The following C20orf203 variants were observed in gnomAD, a reference collection of about 807,000 sequenced individuals.
C20orf203 encodes the protein chromosome 20 open reading frame 203.
C20orf203 carries 16 observed loss-of-function variants against 15.9 expected under a neutral mutation model. That is an observed-to-expected ratio of 1.01 (90% CI 0.68 to 1.53). The LOEUF (loss-of-function observed/expected upper bound fraction) is 1.53, where lower values mean the gene tolerates loss of function less well. Among genes scored for constraint, C20orf203 ranks in the 40% most tolerant of loss-of-function variants. The probability of loss-of-function intolerance (pLI) is 0.00; values close to 1 mark genes in which losing one functional copy is unlikely to be tolerated. For synonymous variants in C20orf203, 98 were observed against 97.2 expected (o/e 1.01, Z -0.05); for missense variants, 263 against 247.5 (o/e 1.06, Z -0.42).
chr20:32,643,075 C>T (rs1982327760), intron 4 of C20orf203, among the ~76,000 whole-genome samples: 3 of 152,166 alleles, frequency 2.0e-5, no homozygotes, highest in Non-Finnish European at 1.5e-5. Flanking sequence ...CTCCTGAGAC[C>T]AGCCGCCGCA....
At position 32,631,642 on chromosome 20, in the gene C20orf203, G is replaced by A. The variant is rs1981997238; in HGVS notation, c.*3928C>T. 1 of 152,142 alleles carries A rather than the reference G, an allele frequency of 6.6e-6. No homozygotes were observed. Among genetic ancestry groups the A allele is most frequent in the South Asian group, 2.1e-4 (1 of 4,822 alleles). 9.4% of individuals were successfully genotyped at this position (152,142 alleles called of 1,614,324 possible). On this transcript the variant is annotated 3_prime_UTR_variant, in exon 6 of 6. Transcript: ENST00000608990. ...TCAGGAGGTAAAGAGGAATTACATGGCCTTTTATTCACTACATTTTATTAA... is the reference window on the plus strand; with the variant it reads ...TCAGGAGGTAAAGAGGAATTACATGACCTTTTATTCACTACATTTTATTAA...
chr20:32,648,688 G>A (rs544511854), intron 4 of C20orf203, among the ~76,000 whole-genome samples: 89 of 150,562 alleles, frequency 5.9e-4, no homozygotes, highest in African/African-American at 1.4e-3. Flanking sequence ...TCCTGACCTC[G>A]TGATCCGCCT....
At chr20:32,644,050 G>C (rs74529646) in intron 4 of C20orf203, among the ~76,000 whole-genome samples, 2 of 152,280 alleles carry the variant, frequency 1.3e-5, no homozygotes, top group African/African-American at 4.8e-5. Flanking sequence ...GACTGGCCCA[G>C]GTCCCTTTCT....
chr20:32,659,412 A>G (rs962135830), intron 1 of C20orf203, among the ~76,000 whole-genome samples: 1 of 152,180 alleles, frequency 6.6e-6, no homozygotes, highest in African/African-American at 2.4e-5. Context: ...AACACTCTCT[A>G]CGCATCAGGC....
chr20:32,650,375 T>C lies in C20orf203; in HGVS notation c.*57A>G. On this transcript the variant is annotated 3_prime_UTR_variant, in exon 4 of 6. Transcript: ENST00000608990. ...GGTAACAGGGGACACCCTGAGGTGG[T>C]GGTGGCCTTGGTAGGACAGGCAGGC... 2 of 1,257,646 alleles carry C rather than the reference T, an allele frequency of 1.6e-6. No homozygotes were observed. Among genetic ancestry groups the C allele is most frequent in the Non-Finnish European group, 2.2e-6 (2 of 893,430 alleles). 77.9% of individuals were successfully genotyped at this position (1,257,646 alleles called of 1,614,324 possible).
chr20:32,660,554 A>G (rs1271078918), intron 1 of C20orf203, among the ~76,000 whole-genome samples: 1 of 152,182 alleles, frequency 6.6e-6, no homozygotes, highest in Non-Finnish European at 1.5e-5. Context: ...GAGCCTCACA[A>G]AACCCTTTCA....
intron 1 of C20orf203, among the ~76,000 whole-genome samples, chr20:32,654,568 C>A (rs115934522): frequency 6.6e-6 from 1 of 151,874 alleles, no homozygotes; most frequent in Non-Finnish European, 1.5e-5. Context: ...GTGGGCCAGG[C>A]GTGGTAGCTT....
At chr20:32,669,854 G>A (rs1341281639) in intron 1 of C20orf203, among the ~76,000 whole-genome samples, 1 of 152,228 alleles carries the variant, frequency 6.6e-6, no homozygotes, top group Non-Finnish European at 1.5e-5. Context: ...AAACAAGAGT[G>A]AAAGGCAATC....
chr20:32,645,966 A>G (rs966860317), intron 4 of C20orf203, among the ~76,000 whole-genome samples: 2 of 152,142 alleles, frequency 1.3e-5, no homozygotes, highest in African/African-American at 4.8e-5. Flanking sequence ...CTTGGGGTAG[A>G]CACCTCAACT....
At chr20:32,673,340 C>G (rs536378479) in intron 1 of C20orf203, among the ~76,000 whole-genome samples, 11 of 152,288 alleles carry the variant, frequency 7.2e-5, no homozygotes, top group African/African-American at 2.6e-4. Flanking sequence ...TCTCAGCCCC[C>G]GTAGCCAACC....
chr20:32,662,995 C>T (rs1053126400), intron 1 of C20orf203, among the ~76,000 whole-genome samples: 1 of 144,654 alleles, frequency 6.9e-6, no homozygotes. Flanking sequence ...GTCACTCAGG[C>T]TGGAGTACAG....
chr20:32,661,806 G>A (rs1421097212), intron 1 of C20orf203, among the ~76,000 whole-genome samples: 1 of 152,080 alleles, frequency 6.6e-6, no homozygotes, highest in African/African-American at 2.4e-5. Flanking sequence ...GTCAGGATGG[G>A]CCACAGCTCT....
chr20:32,633,933 T>A lies in C20orf203; in HGVS notation c.*1637A>T. 2.5e-6 allele frequency: 1 copy of A among 398,258 alleles called. No individual in the cohort carries two copies. Among genetic ancestry groups the A allele is most frequent in the Non-Finnish European group, 4.4e-6 (1 of 226,064 alleles). 24.7% of individuals were successfully genotyped at this position (398,258 alleles called of 1,614,324 possible). ...TGGACTGGATGCTTCTCCCGGATCC[T>A]GATGCCTGAGCTTCAGCTTCCCCAC... is the stretch of plus-strand genomic sequence containing the variant. On this transcript the variant is annotated 3_prime_UTR_variant, in exon 6 of 6. Coordinates refer to ENST00000608990, the MANE Select transcript of C20orf203 (RefSeq NM_182584.4).
At chr20:32,671,842 A>T (rs1446292191) in intron 1 of C20orf203, among the ~76,000 whole-genome samples, 25 of 33,220 alleles carry the variant, frequency 7.5e-4, no homozygotes, top group African/African-American at 2.2e-3. Flanking sequence ...TCTGTCTCCA[A>T]AAAAAAAAAA....
intron 1 of C20orf203, among the ~76,000 whole-genome samples, chr20:32,660,992 CAT>C (rs752633992): frequency 3.0e-4 from 46 of 152,142 alleles, no homozygotes; most frequent in Admixed American, 5.9e-4. Context: ...CCTCCCACGA[CAT>C]GTGGGGATTA....
intron 1 of C20orf203, among the ~76,000 whole-genome samples, chr20:32,654,566 GGCGTGGTA>G (rs563367143): frequency 6.6e-4 from 101 of 152,320 alleles, no homozygotes; most frequent in African/African-American, 2.3e-3. Flanking sequence ...TGGTGGGCCA[GGCGTGGTA>G]GCTTATGTCC....
intron 4 of C20orf203, among the ~76,000 whole-genome samples, chr20:32,646,497 C>T (rs534106564): frequency 6.6e-5 from 10 of 152,286 alleles, no homozygotes; most frequent in South Asian, 2.1e-4. Context: ...TGAGCTACCA[C>T]GTCTGGCCTA....
rs1237400178 is a variant in C20orf203, at chr20:32,666,402, G to A, written c.-264+7230C>T. 2.6e-5 allele frequency among the ~76,000 whole-genome samples: 4 copies of A among 151,728 alleles called. No individual in the cohort carries two copies. The South Asian group carries it at 6.2e-4, about 24-fold the overall frequency. On this transcript the variant is annotated intron_variant, in intron 1 of 5. Coordinates refer to ENST00000608990, the MANE Select transcript of C20orf203 (RefSeq NM_182584.4). ...GGATCACTTGAGCTCAGGAGGTTGAGGCTGCAGTGAGCCAAGATCGTGCCA... is the reference window on the plus strand; with the variant it reads ...GGATCACTTGAGCTCAGGAGGTTGAAGCTGCAGTGAGCCAAGATCGTGCCA...
Position 32,650,121 on chromosome 20 carries a change from C to T in C20orf203, c.*311G>A, listed in dbSNP as rs758880766. 6.0e-6 allele frequency: 2 copies of T among 331,820 alleles called. No homozygotes were observed. The highest frequency in any genetic ancestry group is 1.1e-5 in the Non-Finnish European group (2 of 178,364). The allele number at this position is 331,820 out of a possible 1,614,324, so 20.6% of individuals were successfully genotyped here. A position where few individuals can be genotyped will look rare whatever the true frequency, so the allele number is the denominator to read the frequency against. On this transcript the variant is annotated 3_prime_UTR_variant, in exon 4 of 6. Transcript: ENST00000608990. ...CAGGGACCAAGCCAGAGAGATGTGC[C>T]AGCGCCTCCCAAGGGAGAAGCCATT...
Sources: allele counts gnomAD v4.1 joint callset (sites outside exome capture counted in the v4.1 genomes callset), GRCh38; gene constraint gnomAD v4.1.1; transcripts MANE v1.5; gene names NCBI Gene and HGNC (gene_info 2026-07-23, HGNC 2026-07-21).